Variants in NLGN1 observed in about 807,000 individuals in gnomAD.
NLGN1 encodes the protein neuroligin 1, also known as neuroligin-1.
In NLGN1, 12 loss-of-function variants were observed where a neutral mutation model predicts 65.5. The ratio of observed to expected loss-of-function variants is 0.18; its 90% CI spans 0.12 to 0.30. NLGN1 has a LOEUF of 0.30. NLGN1 is among the 10% of genes least tolerant of loss of function. The pLI, the probability that NLGN1 is intolerant of heterozygous loss-of-function variation, is 1.00. For missense variants in NLGN1, 750 were observed against 1,007.1 expected (o/e 0.74, Z 3.46); for synonymous variants, 350 against 359.5 (o/e 0.97, Z 0.30).
At chr3:174,201,781 G>C (rs543298740) in intron 4 of NLGN1, among the ~76,000 whole-genome samples, 1 of 152,252 alleles carries the variant, frequency 6.6e-6, no homozygotes, top group South Asian at 2.1e-4. Context: ...TCATTTATAT[G>C]GACAATATAA....
At chr3:173,530,803 GT>G (rs1292284757) in intron 2 of NLGN1, among the ~76,000 whole-genome samples, 1 of 151,878 alleles carries the variant, frequency 6.6e-6, no homozygotes, top group Non-Finnish European at 1.5e-5. Context: ...GCTCTTTATA[GT>G]TCATCATTTT....
intron 4 of NLGN1, among the ~76,000 whole-genome samples, chr3:174,249,905 C>T (rs992714244): frequency 4.6e-5 from 7 of 152,040 alleles, no homozygotes; most frequent in Admixed American, 1.3e-4. Context: ...CAATGTGTGA[C>T]CTCTGGAAAG....
chr3:173,401,644 A>T lies in NLGN1; in HGVS notation c.-390+3157A>T, dbSNP rs370868279. 8.5e-5 allele frequency among the ~76,000 whole-genome samples: 13 copies of T among 152,276 alleles called. No homozygotes were observed. In the East Asian group the frequency reaches 1.7e-3, roughly 20 times the overall value. On this transcript the variant is annotated intron_variant, in intron 1 of 6. Transcript: ENST00000457714. ...TTCTAGGTAACTGAGAGGTTGGAAG[A>T]TAGATTTTTAGGGTGACATTTTACT...
chr3:173,609,881 A>T (rs949817053), intron 3 of NLGN1, among the ~76,000 whole-genome samples: 1 of 151,980 alleles, frequency 6.6e-6, no homozygotes, highest in Non-Finnish European at 1.5e-5. Flanking sequence ...TAAAATGAAG[A>T]CTACCTCATT....
chr3:173,728,536 C>T (rs899010187), intron 3 of NLGN1, among the ~76,000 whole-genome samples: 3 of 151,962 alleles, frequency 2.0e-5, no homozygotes, highest in Admixed American at 1.3e-4. Flanking sequence ...CAATTCATGT[C>T]AACCCCACAC....
intron 1 of NLGN1, among the ~76,000 whole-genome samples, chr3:173,434,621 A>C (rs183725937): frequency 2.0e-4 from 31 of 152,336 alleles, no homozygotes; most frequent in Admixed American, 1.8e-3. Flanking sequence ...GTTGATGTTC[A>C]CCAGCTCTCT....
At chr3:173,663,717 A>G (rs1761290048) in intron 3 of NLGN1, among the ~76,000 whole-genome samples, 1 of 151,986 alleles carries the variant, frequency 6.6e-6, no homozygotes, top group South Asian at 2.1e-4. Context: ...CTTTATTTCT[A>G]AACATTCCAT....
At chr3:173,622,749 C>A (rs374766423) in intron 3 of NLGN1, among the ~76,000 whole-genome samples, 62 of 152,176 alleles carry the variant, frequency 4.1e-4, no homozygotes, top group African/African-American at 1.5e-3. Context: ...TTTAACATTG[C>A]TGAGAACTAT....
chr3:173,426,190 G>A (rs1186147990), intron 1 of NLGN1, among the ~76,000 whole-genome samples: 1 of 152,016 alleles, frequency 6.6e-6, no homozygotes, highest in Admixed American at 6.6e-5. Context: ...ATTATATTTT[G>A]CAACTTCATT....
At chr3:173,697,281 GTTTATTTA>G (rs1207575420) in intron 3 of NLGN1, among the ~76,000 whole-genome samples, 1 of 152,072 alleles carries the variant, frequency 6.6e-6, no homozygotes, top group Non-Finnish European at 1.5e-5. Flanking sequence ...CAGGACTCAA[GTTTATTTA>G]TTTATTTATT....
chr3:173,880,317 T>C (rs926818138), intron 4 of NLGN1, among the ~76,000 whole-genome samples: 19 of 152,096 alleles, frequency 1.2e-4, no homozygotes, highest in Middle Eastern at 3.4e-3. Flanking sequence ...CAAAAAATGA[T>C]GAAGGTAGAT....
At chr3:174,148,984 C>G (rs761976428) in intron 4 of NLGN1, among the ~76,000 whole-genome samples, 1 of 152,102 alleles carries the variant, frequency 6.6e-6, no homozygotes, top group African/African-American at 2.4e-5. Flanking sequence ...ACATTATTTC[C>G]TACTCCTCTT....
At position 174,274,349 on chromosome 3, in the gene NLGN1, T is replaced by C. The variant is rs541764745; in HGVS notation, c.647-966T>C. ...CAGGTCAGCTAAATGAGTGAATATG[T>C]TTAAGATATTGCTAAGTAATATGTT... On this transcript the variant is annotated intron_variant, in intron 4 of 6. Coordinates refer to ENST00000457714, the Ensembl canonical transcript of NLGN1. Among the ~76,000 whole-genome samples the C allele has an allele frequency of 5.3e-5, 8 of 151,986 alleles. No individual in the cohort carries two copies. The East Asian group carries it at 1.6e-3, about 30-fold the overall frequency.
intron 1 of NLGN1, among the ~76,000 whole-genome samples, chr3:173,415,919 G>GAGAGAGGGAGAGA (rs1713651073): frequency 8.0e-6 from 1 of 125,204 alleles, no homozygotes; most frequent in African/African-American, 3.3e-5. Flanking sequence ...AGAGAGAGAG[G>GAGAGAGGGAGAGA]GAGAGAGAGA....
rs544218319 is a variant in NLGN1 at position 173,498,076 on chromosome 3, T to G, written c.-321+62998T>G. On this transcript the variant is annotated intron_variant, in intron 2 of 6. Coordinates refer to ENST00000457714, the Ensembl canonical transcript of NLGN1. ...TTCATTTTTTTTTAGTATTATACTT[T>G]AAGTTTTAGGGTACATGTGCACAAC... is the stretch of plus-strand genomic sequence containing the variant. Among the ~76,000 whole-genome samples the G allele has an allele frequency of 1.9e-3, 290 of 151,870 alleles. 5 individuals carry two copies. The highest frequency in any genetic ancestry group is 6.9e-3 in the African/African-American group (285 of 41,182).
intron 3 of NLGN1, among the ~76,000 whole-genome samples, chr3:173,615,446 C>A (rs569126963): frequency 3.3e-5 from 5 of 151,952 alleles, no homozygotes; most frequent in South Asian, 2.1e-4. Context: ...TGTTGATGTC[C>A]GTGTCAATAT....
chr3:173,861,079 G>A (rs1196239308), intron 4 of NLGN1, among the ~76,000 whole-genome samples: 2 of 151,842 alleles, frequency 1.3e-5, no homozygotes, highest in Non-Finnish European at 2.9e-5. Flanking sequence ...TCTAAATTTT[G>A]GTTATCTGTT....
chr3:174,098,928 T>C (rs1490383205), intron 4 of NLGN1, among the ~76,000 whole-genome samples: 1 of 152,202 alleles, frequency 6.6e-6, no homozygotes, highest in Admixed American at 6.5e-5. Context: ...GTTTATACAT[T>C]TAATGAGATT....
intron 3 of NLGN1, among the ~76,000 whole-genome samples, chr3:173,639,778 C>T (rs1422604230): frequency 1.3e-5 from 2 of 152,112 alleles, no homozygotes; most frequent in African/African-American, 4.8e-5. Context: ...GGTTTGTCCT[C>T]AGGGAATGCT....
Sources: gnomAD v4.1 joint callset for allele counts (sites outside exome capture counted in the v4.1 genomes callset) on GRCh38, gnomAD v4.1.1 for gene constraint, MANE v1.5 for transcripts, NCBI Gene and HGNC (gene_info 2026-07-23, HGNC 2026-07-21) for gene names.